PALM2AKAP2: variants seen among roughly 807,000 people sequenced by gnomAD.
PALM2AKAP2 encodes the protein PALM2-AKAP2 fusion protein.
PALM2AKAP2 carries 37 observed loss-of-function variants against 71.5 expected under a neutral mutation model. The ratio of observed to expected loss-of-function variants is 0.52; its 90% CI spans 0.40 to 0.68. PALM2AKAP2 has a LOEUF of 0.68. Ranked by LOEUF, PALM2AKAP2 falls within the 30% of genes least tolerant of loss-of-function variation. The probability of loss-of-function intolerance (pLI) is 0.00; values close to 1 mark genes in which losing one functional copy is unlikely to be tolerated. For missense variants in PALM2AKAP2, 1,224 were observed against 1,191.8 expected, an observed-to-expected ratio of 1.03 and a Z score of -0.40; for synonymous variants, 468 against 478.8, an observed-to-expected ratio of 0.98 and a Z score of 0.29.
chr9:109,753,402 C>T (rs1051769783), intron 1 of PALM2AKAP2, among the ~76,000 whole-genome samples: 5 of 152,122 alleles, frequency 3.3e-5, no homozygotes, highest in Admixed American at 2.0e-4. Flanking sequence ...AGTTTGCCAT[C>T]TTCTTTTTCC....
chr9:109,915,982 C>T (rs1415003765), intron 3 of PALM2AKAP2, among the ~76,000 whole-genome samples: 2 of 151,740 alleles, frequency 1.3e-5, no homozygotes, highest in East Asian at 1.9e-4. Context: ...CTTGCACTGT[C>T]GCCCAGGCTA....
chr9:110,027,763 G>A (rs1004546013), intron 7 of PALM2AKAP2, among the ~76,000 whole-genome samples: 4 of 152,162 alleles, frequency 2.6e-5, no homozygotes, highest in Non-Finnish European at 5.9e-5. Flanking sequence ...AGACTCTTCC[G>A]GTGGTGAATA....
chr9:110,041,300 T>TGG (rs1564274358), intron 7 of PALM2AKAP2, among the ~76,000 whole-genome samples: 4 of 151,358 alleles, frequency 2.6e-5, no homozygotes, highest in South Asian at 2.1e-4. Flanking sequence ...GAATAGTGTT[T>TGG]TTTTTTTTTA....
intron 1 of PALM2AKAP2, among the ~76,000 whole-genome samples, chr9:109,686,394 G>T (rs1264577800): frequency 6.6e-6 from 1 of 152,140 alleles, no homozygotes; most frequent in African/African-American, 2.4e-5. Flanking sequence ...CTTGATCCAT[G>T]GGCTGCAGAA....
intron 6 of PALM2AKAP2, among the ~76,000 whole-genome samples, chr9:110,013,170 T>A (rs1832915757): frequency 6.6e-6 from 1 of 152,206 alleles, no homozygotes; most frequent in African/African-American, 2.4e-5. Context: ...GGCTTGTCCT[T>A]CTCATGCTGT....
intron 2 of PALM2AKAP2, among the ~76,000 whole-genome samples, chr9:110,152,906 G>A (rs772798165): frequency 2.0e-5 from 3 of 152,190 alleles, no homozygotes; most frequent in Non-Finnish European, 4.4e-5. Context: ...ATACTGACCA[G>A]AATGATGGCC....
At chr9:110,057,302 T>A (rs1833863333) in intron 1 of PALM2AKAP2, among the ~76,000 whole-genome samples, 1 of 151,912 alleles carries the variant, frequency 6.6e-6, no homozygotes, top group Admixed American at 6.6e-5. Context: ...GGAAGTCACA[T>A]AACCATCCAG....
intron 1 of PALM2AKAP2, among the ~76,000 whole-genome samples, chr9:109,680,532 G>T (rs564888382): frequency 6.6e-6 from 1 of 152,208 alleles, no homozygotes; most frequent in Non-Finnish European, 1.5e-5. Context: ...TGGCAGTTTG[G>T]TGGAGCCTAT....
At chr9:110,108,954 T>G (rs1378214598) in intron 1 of PALM2AKAP2, among the ~76,000 whole-genome samples, 1 of 152,090 alleles carries the variant, frequency 6.6e-6, no homozygotes, top group African/African-American at 2.4e-5. Flanking sequence ...AACCCAAAAC[T>G]TTTCAATACT....
chr9:110,018,940 G>A (rs550341003), intron 7 of PALM2AKAP2, among the ~76,000 whole-genome samples: 6 of 151,934 alleles, frequency 3.9e-5, no homozygotes, highest in East Asian at 1.9e-4. Flanking sequence ...AATTAAAACC[G>A]CGATGAGATA....
intron 6 of PALM2AKAP2, among the ~76,000 whole-genome samples, chr9:109,936,631 G>A (rs1449263783): frequency 2.6e-5 from 4 of 152,188 alleles, no homozygotes; most frequent in Admixed American, 1.3e-4. Context: ...CCCCATGGAT[G>A]ACACTTATGA....
chr9:110,048,740 C>T (rs1227282622), exon 1 of PALM2AKAP2: 1 of 1,371,354 alleles, frequency 7.3e-7, no homozygotes, highest in Admixed American at 2.0e-5. Context: ...CGCCTTCCCC[C>T]GGAGTCTCCT....
At chr9:109,845,512 G>T (rs1828830366) in intron 1 of PALM2AKAP2, among the ~76,000 whole-genome samples, 1 of 152,192 alleles carries the variant, frequency 6.6e-6, no homozygotes. Context: ...GGAATTGTGT[G>T]TTCAGTCTGT....
chr9:109,936,883 C>T (rs1372566941), intron 6 of PALM2AKAP2, among the ~76,000 whole-genome samples: 1 of 152,170 alleles, frequency 6.6e-6, no homozygotes, highest in African/African-American at 2.4e-5. Context: ...TCAGCCTGTT[C>T]CTCCTCCCGT....
chr9:109,838,257 C>A (rs1828540527), intron 1 of PALM2AKAP2, among the ~76,000 whole-genome samples: 1 of 152,208 alleles, frequency 6.6e-6, no homozygotes, highest in South Asian at 2.1e-4. Flanking sequence ...GGAAACTGAA[C>A]AACCTGCTCC....
chr9:109,916,609 T>G (rs1347812804), intron 3 of PALM2AKAP2, among the ~76,000 whole-genome samples: 1 of 152,218 alleles, frequency 6.6e-6, no homozygotes, highest in African/African-American at 2.4e-5. Context: ...CATTTTCTCC[T>G]CTTTTCTACC....
intron 1 of PALM2AKAP2, among the ~76,000 whole-genome samples, chr9:110,135,538 A>T (rs186993170): frequency 1.3e-5 from 2 of 152,198 alleles, no homozygotes; most frequent in African/African-American, 4.8e-5. Context: ...TTTTGATGCA[A>T]TCCCAGAAAA....
At position 109,657,302 on chromosome 9, in the gene PALM2AKAP2, A is replaced by G. The variant is rs143367788; in HGVS notation, c.5+16436A>G. Among the ~76,000 whole-genome samples, 15 of 152,368 alleles carry G rather than the reference A, an allele frequency of 9.8e-5. No homozygotes were observed. The East Asian group carries it at 2.9e-3, about 29-fold the overall frequency. Reference sequence around the variant, plus strand: ...CCTTTCATCTGGACCATGAAATATCATGACTGATTGGTTTTTTGAGGAGGG... The same window carrying G: ...CCTTTCATCTGGACCATGAAATATCGTGACTGATTGGTTTTTTGAGGAGGG... On this transcript the variant is annotated intron_variant, in intron 1 of 6. Coordinates refer to the PALM2AKAP2 transcript ENST00000374531.
At chr9:110,149,995 G>A (rs952931691) in intron 2 of PALM2AKAP2, among the ~76,000 whole-genome samples, 6 of 152,280 alleles carry the variant, frequency 3.9e-5, no homozygotes, top group African/African-American at 7.2e-5. Context: ...CCGCAAATTC[G>A]TATACTGAAG....
Sources: gnomAD v4.1 joint callset for allele counts (sites outside exome capture counted in the v4.1 genomes callset) on GRCh38, gnomAD v4.1.1 for gene constraint, MANE v1.5 for transcripts, NCBI Gene and HGNC (gene_info 2026-07-23, HGNC 2026-07-21) for gene names.